The following CEP85L variants were observed in gnomAD, a reference collection of about 807,000 sequenced individuals.
CEP85L encodes centrosomal protein 85L.
A neutral mutation model predicts 100.3 loss-of-function variants in CEP85L; 60 were observed. The observed-to-expected ratio is 0.60, with a 90% CI of 0.49 to 0.74. CEP85L has a LOEUF of 0.74. Among genes scored for constraint, CEP85L ranks in the 30% least tolerant of loss-of-function variants. The probability of loss-of-function intolerance (pLI) is 0.00; values close to 1 mark genes in which losing one functional copy is unlikely to be tolerated. For synonymous variants in CEP85L, 319 were observed against 322.7 expected, an observed-to-expected ratio of 0.99 and a Z score of 0.12; for missense variants, 973 against 936.2, an observed-to-expected ratio of 1.04 and a Z score of -0.51.
chr6:118,672,610 G>T (rs576861978), intron 1 of CEP85L, among the ~76,000 whole-genome samples: 1 of 152,074 alleles, frequency 6.6e-6, no homozygotes, highest in Non-Finnish European at 1.5e-5. Context: ...TACAAAAAAT[G>T]CAAAACTTAG....
Position 118,465,004 on chromosome 6 carries a change from C to G in CEP85L, c.*401G>C. The G allele has an allele frequency of 6.4e-6, 1 of 155,482 alleles. No individual in the cohort carries two copies. The allele number at this position is 155,482 out of a possible 1,614,324, so 9.6% of individuals were successfully genotyped here. ...AGAAGCTCTGCTCTGACCCTAGAAA[C>G]CCTTATAAATTTGTGAATAAAGCAC... is the stretch of plus-strand genomic sequence containing the variant. On this transcript the variant is annotated 3_prime_UTR_variant, in exon 13 of 13. Transcript: ENST00000368491.
intron 10 of CEP85L, among the ~76,000 whole-genome samples, chr6:118,478,802 A>G (rs1226899974): frequency 6.6e-6 from 1 of 152,156 alleles, no homozygotes; most frequent in Non-Finnish European, 1.5e-5. Context: ...GTTAACATAT[A>G]AGAGTAAATT....
intron 2 of CEP85L, among the ~76,000 whole-genome samples, chr6:118,614,118 AAAG>A (rs1209012959): frequency 1.6e-4 from 25 of 152,214 alleles, no homozygotes; most frequent in African/African-American, 6.0e-4. Flanking sequence ...TCAACAAACT[AAAG>A]AAGAAAATCA....
chr6:118,487,489 A>C (rs1220961795), intron 6 of CEP85L, among the ~76,000 whole-genome samples: 2 of 152,210 alleles, frequency 1.3e-5, no homozygotes, highest in Non-Finnish European at 2.9e-5. Context: ...TTCCCTTTTT[A>C]AGAAATCCAA....
intron 2 of CEP85L, among the ~76,000 whole-genome samples, chr6:118,612,995 G>A (rs1238120834): frequency 6.6e-6 from 1 of 151,836 alleles, no homozygotes; most frequent in Admixed American, 6.6e-5. Flanking sequence ...GAGGCGGGCG[G>A]ATCGCCTGAA....
At chr6:118,496,796 T>C (rs555574839) in intron 5 of CEP85L, among the ~76,000 whole-genome samples, 2 of 152,210 alleles carry the variant, frequency 1.3e-5, no homozygotes, top group Non-Finnish European at 2.9e-5. Flanking sequence ...TGCTTACTTA[T>C]GTAACATATT....
Position 118,492,282 on chromosome 6 carries a change from C to A in CEP85L, c.1258-417G>T, listed in dbSNP as rs574239541. Among the ~76,000 whole-genome samples the A allele has an allele frequency of 2.0e-5, 3 of 152,128 alleles. No individual in the cohort carries two copies. The East Asian group carries it at 5.8e-4, about 29-fold the overall frequency. ...ATAAATAAAAACTAAAGAAAAATTT[C>A]TTCACAGTTAATCATTTCCAGCTAA... On this transcript the variant is annotated intron_variant, in intron 5 of 12. Transcript: ENST00000368491.
At chr6:118,512,940 A>G (rs1776052311) in intron 4 of CEP85L, among the ~76,000 whole-genome samples, 1 of 152,228 alleles carries the variant, frequency 6.6e-6, no homozygotes, top group Non-Finnish European at 1.5e-5. Context: ...GCTAGAACTG[A>G]CAGAGATGTT....
chr6:118,573,072 T>A lies in CEP85L; in HGVS notation c.233-6756A>T, dbSNP rs189754972. On this transcript the variant is annotated intron_variant, in intron 2 of 12. Transcript: ENST00000368491. ...AGTGATACTCCGTCTCCAAAAAAAATAATAATAATAATATGAATCAGGCCT... is the reference window on the plus strand; with the variant it reads ...AGTGATACTCCGTCTCCAAAAAAAAAAATAATAATAATATGAATCAGGCCT... Among the ~76,000 whole-genome samples, 10 of 151,978 alleles carry A rather than the reference T, an allele frequency of 6.6e-5. No individual in the cohort carries two copies. In the East Asian group the frequency reaches 9.7e-4, roughly 15 times the overall value.
intron 5 of CEP85L, chr6:118,501,886 A>G (rs1775328961): frequency 1.7e-6 from 2 of 1,210,978 alleles, no homozygotes; most frequent in Non-Finnish European, 1.2e-6. Context: ...AAGAAAATAA[A>G]AAGAAAGACA....
At chr6:118,571,164 T>C (rs1287493566) in intron 2 of CEP85L, among the ~76,000 whole-genome samples, 1 of 152,154 alleles carries the variant, frequency 6.6e-6, no homozygotes, top group African/African-American at 2.4e-5. Flanking sequence ...AAAAATGTTA[T>C]TTTACCCTGA....
chr6:118,669,084 A>C (rs1333470388), intron 1 of CEP85L, among the ~76,000 whole-genome samples: 1 of 152,254 alleles, frequency 6.6e-6, no homozygotes, highest in Non-Finnish European at 1.5e-5. Flanking sequence ...GTCTCTAAAA[A>C]TATATAGAAT....
At chr6:118,635,902 T>A (rs1170235051) in intron 1 of CEP85L, among the ~76,000 whole-genome samples, 1 of 152,224 alleles carries the variant, frequency 6.6e-6, no homozygotes, top group East Asian at 1.9e-4. Flanking sequence ...ATTAATGCTA[T>A]GGTGTTATTA....
chr6:118,471,767 GA>G (rs144782109), intron 10 of CEP85L, among the ~76,000 whole-genome samples: 147 of 136,376 alleles, frequency 1.1e-3, no homozygotes, highest in Middle Eastern at 3.7e-3. Flanking sequence ...CCACAAAAAT[GA>G]AAAAAAAAAA....
chr6:118,515,553 C>T (rs2114738439), intron 4 of CEP85L, among the ~76,000 whole-genome samples: 1 of 152,196 alleles, frequency 6.6e-6, no homozygotes, highest in African/African-American at 2.4e-5. Flanking sequence ...TATTCTTGGA[C>T]CACAGTGAAA....
At chr6:118,597,861 T>C (rs1781535247) in intron 2 of CEP85L, among the ~76,000 whole-genome samples, 1 of 152,184 alleles carries the variant, frequency 6.6e-6, no homozygotes, top group Admixed American at 6.5e-5. Flanking sequence ...AGGAGAGAGT[T>C]ATTTTTTAAG....
chr6:118,596,782 C>T lies in CEP85L; in HGVS notation c.233-30466G>A, dbSNP rs372139297. Among the ~76,000 whole-genome samples the T allele has an allele frequency of 3.3e-5, 5 of 152,282 alleles. No homozygotes were observed. In the East Asian group the frequency reaches 7.7e-4, roughly 23 times the overall value. On this transcript the variant is annotated intron_variant, in intron 2 of 12. Transcript: ENST00000368491. ...TCATTTTCCACAGAAGTCTCGATTT[C>T]CTGTTATTTATTGTAAGTCTTCCAG...
chr6:118,703,075 C>T (rs1300164780), intron 1 of CEP85L, among the ~76,000 whole-genome samples: 1 of 151,270 alleles, frequency 6.6e-6, no homozygotes, highest in African/African-American at 2.4e-5. Flanking sequence ...TTGCTTTGAC[C>T]AATAGAATGC....
chr6:118,669,585 G>T (rs1776233878), intron 1 of CEP85L, among the ~76,000 whole-genome samples: 1 of 151,908 alleles, frequency 6.6e-6, no homozygotes, highest in African/African-American at 2.4e-5. Context: ...ATTTTCATTA[G>T]AAATTTGCCC....
Sources: allele counts gnomAD v4.1 joint callset (sites outside exome capture counted in the v4.1 genomes callset), GRCh38; gene constraint gnomAD v4.1.1; transcripts MANE v1.5; gene names NCBI Gene and HGNC (gene_info 2026-07-23, HGNC 2026-07-21).